CSMD1: variants seen among roughly 807,000 people sequenced by gnomAD.
The protein encoded by CSMD1 is CUB and Sushi multiple domains 1, also known as CUB and sushi domain-containing protein 1.
CSMD1 carries 213 observed loss-of-function variants against 417.5 expected under a neutral mutation model. The ratio of observed to expected loss-of-function variants is 0.51; its 90% CI spans 0.46 to 0.57. The LOEUF is 0.57. Among genes scored for constraint, CSMD1 ranks in the 20% least tolerant of loss-of-function variants. The pLI is 0.00. For missense variants in CSMD1, 6,923 were observed against 4,529.7 expected, an observed-to-expected ratio of 1.53 and a Z score of -15.17; for synonymous variants, 2,862 against 1,736.8, an observed-to-expected ratio of 1.65 and a Z score of -16.11.
At chr8:4,189,229 A>G (rs934995009) in intron 3 of CSMD1, among the ~76,000 whole-genome samples, 10 of 152,254 alleles carry the variant, frequency 6.6e-5, no homozygotes, top group African/African-American at 1.9e-4. Flanking sequence ...CCCAGGACCC[A>G]TAACAGATCT....
At chr8:3,589,853 C>T (rs923336219) in intron 8 of CSMD1, among the ~76,000 whole-genome samples, 1 of 152,074 alleles carries the variant, frequency 6.6e-6, no homozygotes, top group African/African-American at 2.4e-5. Flanking sequence ...CTCATGTACA[C>T]CATAAATATC....
At chr8:4,644,560 C>T (rs1585382675) in intron 1 of CSMD1, among the ~76,000 whole-genome samples, 1 of 152,178 alleles carries the variant, frequency 6.6e-6, no homozygotes, top group African/African-American at 2.4e-5. Context: ...GCACGCGCCA[C>T]CACACCTGAC....
At chr8:4,874,356 G>C (rs1214942523) in intron 1 of CSMD1, among the ~76,000 whole-genome samples, 2 of 150,628 alleles carry the variant, frequency 1.3e-5, no homozygotes, top group Admixed American at 1.3e-4. Flanking sequence ...GAAAAGAAAG[G>C]GATGGTGGAG....
intron 7 of CSMD1, among the ~76,000 whole-genome samples, chr8:3,644,836 G>A (rs1188691432): frequency 6.6e-6 from 1 of 152,010 alleles, no homozygotes; most frequent in Non-Finnish European, 1.5e-5. Flanking sequence ...GAACCCCGAT[G>A]TGGTAACCTT....
chr8:4,787,855 C>G, intron 1 of CSMD1: 2 of 1,567,458 alleles, frequency 1.3e-6, no homozygotes, highest in African/African-American at 1.3e-5. Flanking sequence ...ATCCTGGTTG[C>G]CCCAGAATTG....
chr8:4,418,413 T>C (rs755005015), intron 3 of CSMD1, among the ~76,000 whole-genome samples: 1 of 152,158 alleles, frequency 6.6e-6, no homozygotes, highest in African/African-American at 2.4e-5. Flanking sequence ...AAATATTTGA[T>C]AGAATTATTC....
At chr8:4,310,221 G>A (rs527628701) in intron 3 of CSMD1, among the ~76,000 whole-genome samples, 2 of 152,266 alleles carry the variant, frequency 1.3e-5, no homozygotes, top group South Asian at 2.1e-4. Flanking sequence ...GGAGGATTCA[G>A]GAATTAGCAA....
At chr8:4,446,582 C>G (rs2129759980) in intron 2 of CSMD1, among the ~76,000 whole-genome samples, 1 of 152,204 alleles carries the variant, frequency 6.6e-6, no homozygotes, top group Non-Finnish European at 1.5e-5. Context: ...AAGATGGAGT[C>G]TCATTCTGTC....
intron 6 of CSMD1, among the ~76,000 whole-genome samples, chr8:3,709,839 CTG>C (rs1801405678): frequency 6.8e-6 from 1 of 146,034 alleles, no homozygotes; most frequent in Non-Finnish European, 1.5e-5. Flanking sequence ...TATAGTAAAT[CTG>C]TGTGTGTACG....
At chr8:4,253,907 CTTTTTTTTTTT>C (rs147795407) in intron 3 of CSMD1, among the ~76,000 whole-genome samples, 3 of 80,956 alleles carry the variant, frequency 3.7e-5, no homozygotes, top group African/African-American at 8.7e-5. Flanking sequence ...TTCCTTCCAT[CTTTTTTTTTTT>C]TTTTTTTTTT....
intron 4 of CSMD1, among the ~76,000 whole-genome samples, chr8:4,003,419 C>A (rs111658879): frequency 6.7e-6 from 1 of 150,100 alleles, no homozygotes; most frequent in African/African-American, 2.5e-5. Flanking sequence ...AAAAAACAAA[C>A]AAATAAATAA....
chr8:4,194,842 G>C lies in CSMD1; in HGVS notation c.416-162743C>G, dbSNP rs372843390. Among the ~76,000 whole-genome samples, 163 of 152,028 alleles carry C rather than the reference G, an allele frequency of 1.1e-3. 6 individuals carry two copies. The South Asian group carries it at 0.032, about 30-fold the overall frequency. On this transcript the variant is annotated intron_variant, in intron 3 of 69. Transcript: ENST00000635120. ...CAAAGAAAAAAAAAAGTTTGTTTCA[G>C]GATCTCCCACTGTATTATACCCATT...
At chr8:3,736,672 C>T (rs1052153465) in intron 6 of CSMD1, among the ~76,000 whole-genome samples, 2 of 152,192 alleles carry the variant, frequency 1.3e-5, no homozygotes, top group African/African-American at 4.8e-5. Context: ...CCTGGCCTGA[C>T]TCAGCTTCCG....
At chr8:4,210,360 T>C (rs1283928348) in intron 3 of CSMD1, among the ~76,000 whole-genome samples, 1 of 152,238 alleles carries the variant, frequency 6.6e-6, no homozygotes, top group Non-Finnish European at 1.5e-5. Context: ...ATACCAACTT[T>C]GAGACATTCA....
intron 26 of CSMD1, among the ~76,000 whole-genome samples, chr8:3,263,470 T>C (rs1256102156): frequency 6.6e-6 from 1 of 152,198 alleles, no homozygotes; most frequent in Admixed American, 6.5e-5. Context: ...TCTTTGTTTA[T>C]CTCAGATGAA....
intron 7 of CSMD1, among the ~76,000 whole-genome samples, chr8:3,655,113 C>CA (rs1798038579): frequency 6.6e-6 from 1 of 152,132 alleles, no homozygotes; most frequent in East Asian, 1.9e-4. Flanking sequence ...TGAAAATACA[C>CA]ATTAATTTTC....
intron 25 of CSMD1, 102 bp from the exon 26 acceptor site, chr8:3,284,448 A>C: frequency 1.3e-6 from 1 of 797,074 alleles, no homozygotes; most frequent in Non-Finnish European, 2.1e-6. Flanking sequence ...CACAACCCCC[A>C]CCAACATGTG....
chr8:4,316,567 C>T (rs1486855765), intron 3 of CSMD1, among the ~76,000 whole-genome samples: 2 of 151,876 alleles, frequency 1.3e-5, no homozygotes, highest in Non-Finnish European at 2.9e-5. Context: ...AATAACTTTC[C>T]ACTAATATTC....
At chr8:3,666,019 C>A (rs139846913) in intron 7 of CSMD1, among the ~76,000 whole-genome samples, 3 of 152,078 alleles carry the variant, frequency 2.0e-5, no homozygotes, top group African/African-American at 2.4e-5. Context: ...TCAGCCTCCA[C>A]GGAGTAGGTG....
Sources: gnomAD v4.1 joint callset for allele counts (sites outside exome capture counted in the v4.1 genomes callset) on GRCh38, gnomAD v4.1.1 for gene constraint, MANE v1.5 for transcripts, NCBI Gene and HGNC (gene_info 2026-07-23, HGNC 2026-07-21) for gene names.